Variants in SLC4A5 observed in about 807,000 individuals in gnomAD.
SLC4A5 encodes electrogenic sodium bicarbonate cotransporter 4.
Under a neutral mutation model 120.4 loss-of-function variants are expected in SLC4A5, and 96 were observed. The ratio of observed to expected loss-of-function variants is 0.80; its 90% CI spans 0.68 to 0.94. The LOEUF (loss-of-function observed/expected upper bound fraction) is 0.94. Ranked by LOEUF, SLC4A5 falls within the 40% of genes least tolerant of loss-of-function variation. The pLI, the probability that SLC4A5 is intolerant of heterozygous loss-of-function variation, is 0.00. For missense variants in SLC4A5, 1,259 were observed against 1,459.5 expected (o/e 0.86, Z 2.24); for synonymous variants, 550 against 571.1 (o/e 0.96, Z 0.53).
intron 14 of SLC4A5, 135 bp downstream of exon 14, chr2:74,254,484 C>CT: frequency 1.4e-6 from 1 of 703,600 alleles, no homozygotes; most frequent in East Asian, 2.5e-5. Flanking sequence ...TTCTCATAAT[C>CT]TTTAGCATCC....
At chr2:74,251,307 C>A (rs1337045982) in intron 16 of SLC4A5, among the ~76,000 whole-genome samples, 1 of 151,980 alleles carries the variant, frequency 6.6e-6, no homozygotes, top group Non-Finnish European at 1.5e-5. Flanking sequence ...GTGAGAACCA[C>A]TGGTATAAAG....
chr2:74,290,361 A>G (rs1672118297), intron 7 of SLC4A5: 1 of 985,180 alleles, frequency 1.0e-6, no homozygotes, highest in Non-Finnish European at 1.2e-6. Flanking sequence ...TTCTTCACAC[A>G]ACAAACTCAC....
At chr2:74,320,798 C>T (rs1181703543) in intron 5 of SLC4A5, among the ~76,000 whole-genome samples, 2 of 152,090 alleles carry the variant, frequency 1.3e-5, no homozygotes, top group African/African-American at 4.8e-5. Flanking sequence ...AGAGCAGGCT[C>T]TGGACAGGAT....
chr2:74,309,558 A>C (rs1573088738), intron 6 of SLC4A5, among the ~76,000 whole-genome samples: 1 of 152,212 alleles, frequency 6.6e-6, no homozygotes, highest in African/African-American at 2.4e-5. Context: ...ATCCAAAAAA[A>C]TAACTTGCTA....
At chr2:74,288,600 C>A (rs562474027) in intron 7 of SLC4A5, among the ~76,000 whole-genome samples, 21 of 152,338 alleles carry the variant, frequency 1.4e-4, no homozygotes, top group Admixed American at 2.6e-4. Context: ...ACACTTAAAT[C>A]TTGATCTTGC....
intron 11 of SLC4A5, among the ~76,000 whole-genome samples, chr2:74,261,236 T>A (rs1573038088): frequency 2.6e-5 from 4 of 152,216 alleles, no homozygotes; most frequent in Admixed American, 2.6e-4. Flanking sequence ...GGTGACCTCA[T>A]ATACAATGAT....
rs766995942 is a variant in SLC4A5 at position 74,255,840 on chromosome 2, G to A, written c.960C>T (p.Ile320=). 2.6e-5 allele frequency: 42 copies of A among 1,614,154 alleles called. No homozygotes were observed. In the East Asian group the frequency reaches 4.0e-4, roughly 15 times the overall value. The change falls in exon 13 of 31, where the codon ATC becomes ATT. Residue 320 remains isoleucine, a synonymous_variant. Transcript: ENST00000394019. This position sits in a 1 kb window ranked among gnomAD's most constrained non-coding sequence, Gnocchi z 4.0. ...CCGACTGGATGAGGCGCACGAACGC[G>A]ATGAATGGCTGGTCTAGGAAGTCCA...
exon 7 of SLC4A5, chr2:74,304,517 G>A: frequency 1.9e-6 from 3 of 1,613,868 alleles, no homozygotes; most frequent in Non-Finnish European, 2.5e-6. Flanking sequence ...CCATGCTGCT[G>A]TCCTGGCTGC....
At chr2:74,231,376 C>T in intron 24 of SLC4A5, 68 bp from the exon 25 acceptor site, 2 of 1,434,890 alleles carry the variant, frequency 1.4e-6, no homozygotes, top group South Asian at 1.3e-5. Context: ...GCCCTCCTGC[C>T]CCTCTGTGGG....
At chr2:74,259,767 C>A (rs760491354) in intron 11 of SLC4A5, 124 bp from the exon 12 acceptor site, 1 of 840,880 alleles carries the variant, frequency 1.2e-6, no homozygotes, top group Non-Finnish European at 2.0e-6. Context: ...CCCCCTTAAT[C>A]CTGCAGTCCC....
chr2:74,232,447 C>T (rs1311906510), intron 24 of SLC4A5, 22 bp downstream of exon 24: 11 of 1,611,250 alleles, frequency 6.8e-6, no homozygotes, highest in Non-Finnish European at 9.3e-6. Flanking sequence ...TTGGGTGATC[C>T]CTAGGCCCTG....
At chr2:74,280,804 C>T (rs557469218) in intron 8 of SLC4A5, among the ~76,000 whole-genome samples, 8 of 152,226 alleles carry the variant, frequency 5.3e-5, no homozygotes, top group African/African-American at 1.9e-4. Context: ...CCTGCCTCAG[C>T]CTCCTGAGTA....
In SLC4A5 at chr2:74,314,938, A is replaced by T. The variant is rs1426923092; in HGVS notation, c.79+7T>A. ...AGATTTGCATCAAGTCCTCAAAGTG[A>T]CCTCACCTTTCTGATCCGGAAATCT... On this transcript the variant is annotated splice_region_variant and intron_variant, in intron 6 of 30. Transcript: ENST00000394019. The T allele has an allele frequency of 3.1e-6, 5 of 1,613,068 alleles. No homozygotes were observed. Among genetic ancestry groups the T allele is most frequent in the Non-Finnish European group, 1.7e-6 (2 of 1,179,214 alleles).
At chr2:74,272,930 C>T (rs1671521420) in intron 8 of SLC4A5, among the ~76,000 whole-genome samples, 1 of 152,204 alleles carries the variant, frequency 6.6e-6, no homozygotes, top group African/African-American at 2.4e-5. Context: ...ACCAAGAGAC[C>T]TCTATTCTAG....
intron 8 of SLC4A5, among the ~76,000 whole-genome samples, chr2:74,282,794 C>A (rs1168679897): frequency 6.6e-6 from 1 of 152,204 alleles, no homozygotes; most frequent in Non-Finnish European, 1.5e-5. Flanking sequence ...GCTAGGGCTT[C>A]TGGATGCAGA....
At chr2:74,334,328 A>C (rs1573114453) in intron 3 of SLC4A5, 151 bp from the exon 4 acceptor site, 2 of 152,062 alleles carry the variant, frequency 1.3e-5, no homozygotes, top group Admixed American at 6.6e-5. Context: ...GACTCGGCTC[A>C]CTCTACAGCA....
Position 74,255,067 on chromosome 2 carries a change from C to T in SLC4A5, c.1026-361G>A, listed in dbSNP as rs951588914. On this transcript the variant is annotated intron_variant, in intron 13 of 30. Coordinates refer to ENST00000394019, the Ensembl canonical transcript of SLC4A5. This position sits in a 1 kb window ranked among gnomAD's most constrained non-coding sequence, Gnocchi z 4.0. ...AACTCCTGGGCTCGAGCAATTCACC[C>T]GCCTTGGCCTCCCAGAGTGCTGGGA... 4.6e-5 allele frequency among the ~76,000 whole-genome samples: 7 copies of T among 152,150 alleles called. No individual in the cohort carries two copies. The highest frequency in any genetic ancestry group is 2.1e-4 in the South Asian group (1 of 4,816).
At chr2:74,304,011 G>A (rs1415774060) in intron 7 of SLC4A5, among the ~76,000 whole-genome samples, 2 of 151,696 alleles carry the variant, frequency 1.3e-5, no homozygotes, top group East Asian at 1.9e-4. Context: ...CACTACGCCC[G>A]GCTAATTTTT....
intron 2 of SLC4A5, among the ~76,000 whole-genome samples, chr2:74,342,094 A>G (rs1364874471): frequency 1.3e-5 from 2 of 152,376 alleles, no homozygotes; most frequent in East Asian, 3.9e-4. Flanking sequence ...GATCTGAAGT[A>G]GCTCAAGAAA....
Sources: allele counts gnomAD v4.1 joint callset (sites outside exome capture counted in the v4.1 genomes callset), GRCh38; gene constraint gnomAD v4.1.1; non-coding constraint Gnocchi (gnomAD v3.1); transcripts MANE v1.5; gene names NCBI Gene and HGNC (gene_info 2026-07-23, HGNC 2026-07-21).